COBLL1: variants seen among roughly 807,000 people sequenced by gnomAD.
COBLL1 encodes cordon-bleu protein-like 1.
In COBLL1, 50 loss-of-function variants were observed where a neutral mutation model predicts 94.8. The ratio of observed to expected loss-of-function variants is 0.53; its 90% CI spans 0.42 to 0.67. The LOEUF is 0.67. Ranked by LOEUF, COBLL1 falls within the 30% of genes least tolerant of loss-of-function variation. The pLI is 0.00. For synonymous variants in COBLL1, 448 were observed against 473.8 expected (o/e 0.95, Z 0.71); for missense variants, 1,362 against 1,348.7 (o/e 1.01, Z -0.15).
chr2:164,732,379 CT>C (rs1686064499), intron 3 of COBLL1, among the ~76,000 whole-genome samples: 1 of 152,114 alleles, frequency 6.6e-6, no homozygotes, highest in East Asian at 1.9e-4. Context: ...CAGAGAGAGA[CT>C]AGCAAAATGG....
intron 2 of COBLL1, chr2:164,800,516 T>C (rs1242188176): frequency 2.9e-6 from 2 of 701,246 alleles, no homozygotes; most frequent in African/African-American, 1.8e-5. Flanking sequence ...AGAAGTTTCT[T>C]ATTAAATATA....
At chr2:164,711,222 G>A (rs1684883477) in intron 7 of COBLL1, among the ~76,000 whole-genome samples, 1 of 152,204 alleles carries the variant, frequency 6.6e-6, no homozygotes, top group South Asian at 2.1e-4. Flanking sequence ...ACATAGCACA[G>A]TGCCTAGCAT....
chr2:164,822,231 T>C (rs1232139140), intron 2 of COBLL1, among the ~76,000 whole-genome samples: 24 of 152,336 alleles, frequency 1.6e-4, no homozygotes, highest in Admixed American at 1.5e-3. Context: ...CCTTGGACTA[T>C]TTCCAGTGTC....
At chr2:164,672,705 C>CAAAAAAAA (rs1187183800) in intron 1 of COBLL1, among the ~76,000 whole-genome samples, 1 of 64,934 alleles carries the variant, frequency 1.5e-5, no homozygotes, top group Non-Finnish European at 3.3e-5. Context: ...GACTCCGTCT[C>CAAAAAAAA]AAAAAAAAAA....
chr2:164,779,977 T>TA (rs2105272481), intron 2 of COBLL1, among the ~76,000 whole-genome samples: 1 of 152,292 alleles, frequency 6.6e-6, no homozygotes, highest in African/African-American at 2.4e-5. Flanking sequence ...TAAAATATTT[T>TA]AAAAATATGA....
At chr2:164,791,471 CAGAT>C (rs199594973) in intron 2 of COBLL1, among the ~76,000 whole-genome samples, 313 of 146,088 alleles carry the variant, frequency 2.1e-3, no homozygotes, top group Non-Finnish European at 3.7e-3. Context: ...CCATTGCTAT[CAGAT>C]AGATAGACAG....
At chr2:164,743,963 A>C in intron 2 of COBLL1, 88 bp from the exon 3 acceptor site, 1 of 955,732 alleles carries the variant, frequency 1.0e-6, no homozygotes. Context: ...AATATGATCT[A>C]GTAGTGGTTT....
intron 2 of COBLL1, among the ~76,000 whole-genome samples, chr2:164,787,348 G>C (rs1190483603): frequency 6.6e-6 from 1 of 152,232 alleles, no homozygotes; most frequent in South Asian, 2.1e-4. Flanking sequence ...AAGTTATGCA[G>C]ATCTAATGCA....
At position 164,685,097 on chromosome 2, in the gene COBLL1, T is replaced by C. The variant is rs1683213917; in HGVS notation, c.*849A>G. ...ATTTCTGGAACTTCCAAATAGTCTT[T>C]AAAGTTTTTCAATATAAACATAAAC... On this transcript the variant is annotated 3_prime_UTR_variant, in exon 14 of 14. Transcript: ENST00000652658. 6.6e-6 allele frequency: 1 copy of C among 152,170 alleles called. No homozygotes were observed. Among genetic ancestry groups the C allele is most frequent in the African/African-American group, 2.4e-5 (1 of 41,454 alleles). 9.4% of individuals were successfully genotyped at this position (152,170 alleles called of 1,614,324 possible). A position where few individuals can be genotyped will look rare whatever the true frequency, so the allele number is the denominator to read the frequency against.
At chr2:164,742,270 A>G (rs1433608695) in intron 3 of COBLL1, among the ~76,000 whole-genome samples, 1 of 152,160 alleles carries the variant, frequency 6.6e-6, no homozygotes, top group East Asian at 1.9e-4. Flanking sequence ...TACATCCCTA[A>G]GAAGAAATTT....
intron 2 of COBLL1, among the ~76,000 whole-genome samples, chr2:164,825,340 T>A (rs1685371035): frequency 6.6e-6 from 1 of 152,190 alleles, no homozygotes; most frequent in Non-Finnish European, 1.5e-5. Context: ...TAAGGTAAAT[T>A]TACCAGGAGC....
intron 3 of COBLL1, among the ~76,000 whole-genome samples, chr2:164,742,851 CAGAG>C (rs1356488124): frequency 6.6e-6 from 1 of 151,850 alleles, no homozygotes; most frequent in Non-Finnish European, 1.5e-5. Context: ...CACACACACA[CAGAG>C]AAAGAGAGAG....
rs114785656 is a variant in COBLL1 at position 164,721,593 on chromosome 2, C to T, written c.996+482G>A. 5.3e-3 allele frequency among the ~76,000 whole-genome samples: 801 copies of T among 152,192 alleles called. 4 individuals carry two copies. The highest frequency in any genetic ancestry group is 0.019 in the African/African-American group (772 of 41,530). Reference sequence around the variant, plus strand: ...ATTTTCTTTTTTCACTGTGGAGTATCTATGTACTAGGTAGATACCAGGCTA... The same window carrying T: ...ATTTTCTTTTTTCACTGTGGAGTATTTATGTACTAGGTAGATACCAGGCTA... On this transcript the variant is annotated intron_variant, in intron 7 of 13. Transcript: ENST00000652658.
intron 3 of COBLL1, among the ~76,000 whole-genome samples, chr2:164,735,561 A>G (rs769374837): frequency 3.3e-5 from 5 of 151,902 alleles, no homozygotes; most frequent in Non-Finnish European, 5.9e-5. Context: ...TTTACCATAA[A>G]GGAGTCATAA....
chr2:164,701,520 C>T (rs971512263), intron 9 of COBLL1, among the ~76,000 whole-genome samples: 1 of 152,172 alleles, frequency 6.6e-6, no homozygotes. Flanking sequence ...ACCATACTCA[C>T]GTTTCCTTTT....
At chr2:164,727,080 T>C in intron 5 of COBLL1, 1 of 1,290,182 alleles carries the variant, frequency 7.8e-7, no homozygotes, top group Non-Finnish European at 1.1e-6. Flanking sequence ...TGTTATAATT[T>C]GTTTCTACTG....
chr2:164,666,447 G>A (rs765470853), intron 1 of COBLL1, among the ~76,000 whole-genome samples: 16 of 152,188 alleles, frequency 1.1e-4, no homozygotes, highest in Non-Finnish European at 2.2e-4. Context: ...CAATGTTGAT[G>A]GCTGCTGATA....
intron 2 of COBLL1, among the ~76,000 whole-genome samples, chr2:164,823,952 C>T (rs1401002535): frequency 6.6e-6 from 1 of 152,154 alleles, no homozygotes; most frequent in Non-Finnish European, 1.5e-5. Context: ...AACACACATA[C>T]ACACACGGTT....
At chr2:164,808,293 A>C (rs993275661) in intron 2 of COBLL1, among the ~76,000 whole-genome samples, 3 of 152,174 alleles carry the variant, frequency 2.0e-5, no homozygotes, top group Admixed American at 6.5e-5. Context: ...CTTGGTAAAT[A>C]ATTTTTAATA....
Sources: gnomAD v4.1 joint callset for allele counts (sites outside exome capture counted in the v4.1 genomes callset) on GRCh38, gnomAD v4.1.1 for gene constraint, MANE v1.5 for transcripts, NCBI Gene and HGNC (gene_info 2026-07-23, HGNC 2026-07-21) for gene names.